Variants in PPP3CC observed in about 807,000 individuals in gnomAD.
PPP3CC encodes protein phosphatase 3 catalytic subunit gamma, also known as serine/threonine-protein phosphatase 2B catalytic subunit gamma isoform.
PPP3CC carries 35 observed loss-of-function variants against 60.3 expected under a neutral mutation model. The ratio of observed to expected loss-of-function variants is 0.58; its 90% CI spans 0.44 to 0.77. PPP3CC has a LOEUF of 0.77. Ranked by LOEUF, PPP3CC falls within the 30% of genes least tolerant of loss-of-function variation. PPP3CC has a pLI of 0.00. For synonymous variants in PPP3CC, 206 were observed against 224.3 expected, an observed-to-expected ratio of 0.92 and a Z score of 0.73; for missense variants, 570 against 628.9, an observed-to-expected ratio of 0.91 and a Z score of 1.00.
At chr8:22,490,707 GT>G (rs1018417637) in intron 3 of PPP3CC, among the ~76,000 whole-genome samples, 1 of 150,096 alleles carries the variant, frequency 6.7e-6, no homozygotes, top group Non-Finnish European at 1.5e-5. Flanking sequence ...GCGGTGGTTG[GT>G]TTTTTTGTCC....
At chr8:22,540,399 C>A (rs745388316) in intron 13 of PPP3CC, among the ~76,000 whole-genome samples, 1 of 152,164 alleles carries the variant, frequency 6.6e-6, no homozygotes, top group Non-Finnish European at 1.5e-5. Flanking sequence ...AAATTACTTT[C>A]ACAATTTCAG....
intron 3 of PPP3CC, among the ~76,000 whole-genome samples, chr8:22,488,592 GA>G (rs1337385686): frequency 6.6e-6 from 1 of 152,180 alleles, no homozygotes; most frequent in Non-Finnish European, 1.5e-5. Flanking sequence ...AGATTCTGGG[GA>G]TCTAACAGGG....
At chr8:22,467,415 C>T (rs1210927891) in intron 1 of PPP3CC, among the ~76,000 whole-genome samples, 9 of 151,846 alleles carry the variant, frequency 5.9e-5, no homozygotes, top group African/African-American at 1.2e-4. Flanking sequence ...GTTAGATGTT[C>T]GCTTAGTCTA....
rs539751520 is a variant in PPP3CC, at chr8:22,527,745, C to T, written c.1069+228C>T. On this transcript the variant is annotated intron_variant, in intron 9 of 13. Transcript: ENST00000240139. ...CCGCCTCCCAGGTTCAAGCAATTCT[C>T]CTGCCTCAGCCTTCTGAGGAGCTGG... 2.0e-4 allele frequency among the ~76,000 whole-genome samples: 30 copies of T among 152,058 alleles called. No individual in the cohort carries two copies. The East Asian group carries it at 5.8e-3, about 29-fold the overall frequency.
intron 3 of PPP3CC, chr8:22,492,708 A>C: frequency 2.1e-6 from 2 of 954,922 alleles, no homozygotes; most frequent in African/African-American, 1.6e-5. Context: ...AGAAAGAAGA[A>C]GGCGGTTCAT....
At chr8:22,489,506 T>C (rs998196250) in intron 3 of PPP3CC, among the ~76,000 whole-genome samples, 1 of 149,408 alleles carries the variant, frequency 6.7e-6, no homozygotes, top group African/African-American at 2.5e-5. Flanking sequence ...ATTCTAGGGA[T>C]CTAACATGGA....
At chr8:22,504,793 C>T (rs1209655043) in intron 4 of PPP3CC, among the ~76,000 whole-genome samples, 3 of 141,658 alleles carry the variant, frequency 2.1e-5, no homozygotes, top group South Asian at 2.6e-4. Flanking sequence ...TTGCTTACTA[C>T]AGCCTCAACC....
intron 1 of PPP3CC, among the ~76,000 whole-genome samples, chr8:22,449,981 C>G (rs956419756): frequency 6.6e-6 from 1 of 151,746 alleles, no homozygotes; most frequent in African/African-American, 2.4e-5. Flanking sequence ...ATTATCCTGC[C>G]TCAGCCTCCT....
intron 1 of PPP3CC, among the ~76,000 whole-genome samples, chr8:22,473,744 G>T (rs532785080): frequency 6.6e-6 from 1 of 152,062 alleles, no homozygotes. Context: ...GATTACAAGC[G>T]TGAGCCACAC....
chr8:22,476,968 G>A lies in PPP3CC; in HGVS notation c.372+1344G>A, dbSNP rs561727093. ...AAAAAAAGTTCAATGTTAGTTGCCA[G>A]TGCACAAAATTCATTTAGTGTCAAA... On this transcript the variant is annotated intron_variant, in intron 3 of 13. Coordinates refer to ENST00000240139, the MANE Select transcript of PPP3CC (RefSeq NM_005605.5). 8.0e-4 allele frequency among the ~76,000 whole-genome samples: 121 copies of A among 151,444 alleles called. 1 individual carries two copies. Among genetic ancestry groups the A allele is most frequent in the African/African-American group, 2.7e-3 (113 of 41,326 alleles).
intron 1 of PPP3CC, among the ~76,000 whole-genome samples, chr8:22,455,771 G>A (rs1837177321): frequency 6.6e-6 from 1 of 151,636 alleles, no homozygotes; most frequent in Admixed American, 6.6e-5. Context: ...GGTTCTAGGA[G>A]GGCCAGTTTT....
chr8:22,532,362 C>T (rs182861961), intron 11 of PPP3CC, 56 bp downstream of exon 11: 118 of 1,424,910 alleles, frequency 8.3e-5, no homozygotes, highest in Middle Eastern at 1.8e-4. Context: ...GTAAATTAGA[C>T]GTCGAATTCA....
chr8:22,497,978 T>C (rs1374305844), intron 3 of PPP3CC, 23 bp from the exon 4 acceptor site: 1 of 1,525,122 alleles, frequency 6.6e-7, no homozygotes, highest in African/African-American at 1.4e-5. Flanking sequence ...AAAGAAAATT[T>C]TATGCTTGAA....
chr8:22,532,623 T>C (rs980019480), intron 11 of PPP3CC, among the ~76,000 whole-genome samples: 1 of 152,180 alleles, frequency 6.6e-6, no homozygotes, highest in African/African-American at 2.4e-5. Context: ...TCCTTGCCTG[T>C]AAAGTAATAA....
chr8:22,460,185 A>C (rs1837325629), intron 1 of PPP3CC, among the ~76,000 whole-genome samples: 1 of 152,140 alleles, frequency 6.6e-6, no homozygotes, highest in African/African-American at 2.4e-5. Flanking sequence ...CTTTTAAAAA[A>C]TTGTTTTGCC....
intron 4 of PPP3CC, among the ~76,000 whole-genome samples, chr8:22,509,761 A>G (rs2469761): frequency 0.51 from 77,013 of 152,008 alleles, 19,737 homozygotes; most frequent in East Asian, 0.61. Flanking sequence ...GAGTGCAGTG[A>G]CACTATCGTA....
chr8:22,452,418 TTC>T (rs978058600), intron 1 of PPP3CC, among the ~76,000 whole-genome samples: 7 of 152,154 alleles, frequency 4.6e-5, no homozygotes, highest in African/African-American at 1.7e-4. Flanking sequence ...AAGCTTTTTC[TTC>T]TCTGCTAAGA....
chr8:22,488,051 T>G (rs1045093226), intron 3 of PPP3CC, among the ~76,000 whole-genome samples: 3 of 152,162 alleles, frequency 2.0e-5, no homozygotes, highest in African/African-American at 4.8e-5. Flanking sequence ...CCAAATGACA[T>G]TATACTATGG....
At position 22,441,464 on chromosome 8, in the gene PPP3CC, T is replaced by C. The variant is rs545838687; in HGVS notation, c.49+6T>C. ...CACCGACCGCGTCATCAAAGGTGCC[T>C]GGCGGGCCGGGCCTTCCTCTGGGAC... On this transcript the variant is annotated splice_donor_region_variant and intron_variant, in intron 1 of 13. Coordinates refer to ENST00000240139, the MANE Select transcript of PPP3CC (RefSeq NM_005605.5). The C allele has an allele frequency of 2.6e-6, 4 of 1,534,960 alleles. No homozygotes were observed. Among genetic ancestry groups the C allele is most frequent in the Admixed American group, 2.0e-5 (1 of 49,654 alleles).
Sources: allele counts gnomAD v4.1 joint callset (sites outside exome capture counted in the v4.1 genomes callset), GRCh38; gene constraint gnomAD v4.1.1; transcripts MANE v1.5; gene names NCBI Gene and HGNC (gene_info 2026-07-23, HGNC 2026-07-21).